IFFO2: variants seen among roughly 807,000 people sequenced by gnomAD.
IFFO2 encodes intermediate filament family orphan 2.
In IFFO2, 19 loss-of-function variants were observed where a neutral mutation model predicts 53.5. The ratio of observed to expected loss-of-function variants is 0.36; its 90% CI spans 0.25 to 0.52. IFFO2 has a LOEUF of 0.52. Ranked by LOEUF, IFFO2 falls within the 20% of genes least tolerant of loss-of-function variation. IFFO2 has a pLI of 0.94. For missense variants in IFFO2, 570 were observed against 727.4 expected (o/e 0.78, Z 2.49); for synonymous variants, 303 against 313.6 (o/e 0.97, Z 0.36).
chr1:18,933,424 G>C (rs1202782805), intron 1 of IFFO2, among the ~76,000 whole-genome samples: 1 of 152,192 alleles, frequency 6.6e-6, no homozygotes, highest in Non-Finnish European at 1.5e-5. Context: ...CAGCGACGTG[G>C]GTGGCTGGGG....
chr1:18,914,455 T>C (rs1936101245), intron 5 of IFFO2, among the ~76,000 whole-genome samples: 2 of 152,212 alleles, frequency 1.3e-5, no homozygotes, highest in South Asian at 4.1e-4. Flanking sequence ...CATACAATCC[T>C]GTCTTAGGGC....
chr1:18,916,942 A>T lies in IFFO2; in HGVS notation c.1064T>A (p.Met355Lys). The T allele has an allele frequency of 6.4e-7, 1 of 1,551,928 alleles. No individual in the cohort carries two copies. The highest frequency in any genetic ancestry group is 8.7e-7 in the Non-Finnish European group (1 of 1,147,054). Residue 355 changes from methionine (M) to lysine (K), a missense_variant, in exon 5 of 9, where the codon ATG becomes AAG. By Grantham distance (95) the Met-to-Lys change is moderately conservative. Coordinates refer to ENST00000455833, the MANE Select transcript of IFFO2 (RefSeq NM_001136265.2). This position sits in a 1 kb window ranked among gnomAD's most constrained non-coding sequence, Gnocchi z 4.3. ...GCGCTTCATCTCATCGGTGATGTTC[A>T]TGGAGCCGACCTCATCGTCCGAGAA... ...NRFSDDEVGS[M>K]NITDEMKRMF...
Position 18,918,259 on chromosome 1 carries a change from T to G in IFFO2, c.963+103A>C, listed in dbSNP as rs1936163855. The G allele has an allele frequency of 5.6e-6, 6 of 1,078,820 alleles. No individual in the cohort carries two copies. Among genetic ancestry groups the G allele is most frequent in the South Asian group, 1.6e-5 (1 of 64,242 alleles). The allele number at this position is 1,078,820 out of a possible 1,614,324, so 66.8% of individuals were successfully genotyped here. On this transcript the variant is annotated intron_variant, in intron 4 of 8. Coordinates refer to ENST00000455833, the MANE Select transcript of IFFO2 (RefSeq NM_001136265.2). The surrounding 1 kb of genome is among the most constrained non-coding windows in gnomAD (Gnocchi z 5.2). ...CTACCTCTCGGGGAAGGGGAGGGAG[T>G]GAGTGGGATGTGGAGGCAAACGGGT... is the stretch of plus-strand genomic sequence containing the variant.
At chr1:18,946,344 C>A (rs1936586883) in intron 1 of IFFO2, among the ~76,000 whole-genome samples, 2 of 151,264 alleles carry the variant, frequency 1.3e-5, no homozygotes, top group African/African-American at 4.9e-5. Context: ...CTTTCTGGTA[C>A]TACACAGGTT....
chr1:18,928,900 T>G lies in IFFO2; in HGVS notation c.666-7779A>C, dbSNP rs543072912. Among the ~76,000 whole-genome samples the G allele has an allele frequency of 6.6e-6, 1 of 152,128 alleles. No homozygotes were observed. Among genetic ancestry groups the G allele is most frequent in the Non-Finnish European group, 1.5e-5 (1 of 68,006 alleles). ...TGGTGACAGCCTCAGGGATACCAAC[T>G]CCATCCGGAGTTATCCTGGGTGCCA... is the stretch of plus-strand genomic sequence containing the variant. On this transcript the variant is annotated intron_variant, in intron 1 of 8. Coordinates refer to ENST00000455833, the MANE Select transcript of IFFO2 (RefSeq NM_001136265.2). The surrounding 1 kb of genome is among the most constrained non-coding windows in gnomAD (Gnocchi z 4.9).
chr1:18,937,886 C>A (rs1291835401), intron 1 of IFFO2, among the ~76,000 whole-genome samples: 1 of 152,272 alleles, frequency 6.6e-6, no homozygotes, highest in African/African-American at 2.4e-5. Context: ...GGGTCACTAG[C>A]CCCAGCTATG....
At chr1:18,909,503 C>G (rs1014672496) in intron 8 of IFFO2, among the ~76,000 whole-genome samples, 3 of 152,250 alleles carry the variant, frequency 2.0e-5, no homozygotes, top group Admixed American at 2.0e-4. Flanking sequence ...ATAATCCCCA[C>G]GTGTCATGAG....
In IFFO2 at chr1:18,922,654, G is replaced by A. The variant is rs185505564; in HGVS notation, c.666-1533C>T. ...GAGATCTGCGTGGGCTCCCGGGCCC[G>A]GACCTGGAGGGCAAGGGGCTGGGAT... On this transcript the variant is annotated intron_variant, in intron 1 of 8. Transcript: ENST00000455833. 6.0e-3 allele frequency among the ~76,000 whole-genome samples: 913 copies of A among 152,194 alleles called. 5 individuals carry two copies. Among genetic ancestry groups the A allele is most frequent in the Non-Finnish European group, 8.4e-3 (572 of 68,002 alleles).
At position 18,906,564 on chromosome 1, in the gene IFFO2, G is replaced by C. The variant is rs1001804068; in HGVS notation, c.*1997C>G. 10 of 152,306 alleles carry C rather than the reference G, an allele frequency of 6.6e-5. No individual in the cohort carries two copies. Among genetic ancestry groups the C allele is most frequent in the Admixed American group, 2.0e-4 (3 of 15,302 alleles). The allele number at this position is 152,306 out of a possible 1,614,324, so 9.4% of individuals were successfully genotyped here. A position where few individuals can be genotyped will look rare whatever the true frequency, so the allele number is the denominator to read the frequency against. ...ACGGAAAATCTTTTTAGCAGCTGAG[G>C]TCCAAGCCCAACTGGCTCTGATAAC... On this transcript the variant is annotated 3_prime_UTR_variant, in exon 9 of 9. Transcript: ENST00000455833.
At position 18,904,361 on chromosome 1, in the gene IFFO2, A is replaced by T. The variant is rs1187934543; in HGVS notation, c.*4200T>A. The T allele has an allele frequency of 6.6e-6, 1 of 152,262 alleles. No homozygotes were observed. Among genetic ancestry groups the T allele is most frequent in the Non-Finnish European group, 1.5e-5 (1 of 68,058 alleles). The allele number at this position is 152,262 out of a possible 1,614,324, so 9.4% of individuals were successfully genotyped here. ...GCATGATATTTACAACAGTACAGTA[A>T]ACAGGTTGGTTTCCGGTAGGATCAG... On this transcript the variant is annotated 3_prime_UTR_variant, in exon 9 of 9. Transcript: ENST00000455833.
chr1:18,956,276 GC>G lies in IFFO2; in HGVS notation c.56del (p.Gly19AlafsTer24). The G allele has an allele frequency of 1.3e-6, 1 of 796,296 alleles. No individual in the cohort carries two copies. Among genetic ancestry groups the G allele is most frequent in the Non-Finnish European group, 1.6e-6 (1 of 635,630 alleles). 49.3% of individuals were successfully genotyped at this position (796,296 alleles called of 1,614,324 possible). A position where few individuals can be genotyped will look rare whatever the true frequency, so the allele number is the denominator to read the frequency against. On this transcript the variant is annotated frameshift_variant, in exon 1 of 9. Coordinates refer to ENST00000455833, the MANE Select transcript of IFFO2 (RefSeq NM_001136265.2). LOFTEE classifies it high-confidence loss of function. The surrounding 1 kb of genome is among the most constrained non-coding windows in gnomAD (Gnocchi z 6.4). ...EMALAFGCPP[G>X]GGGGGCPGGG... ...CGCCAGGGCAGCCCCCGCCGCCGCC[GC>G]CCGGCGGGCAGCCGAAGGCCAAGGC...
Position 18,956,180 on chromosome 1 carries a change from G to A in IFFO2, c.153C>T (p.Gly51=), listed in dbSNP as rs1209472381. Residue 51 remains glycine (G), a synonymous_variant, in exon 1 of 9, where the codon GGC becomes GGT. Coordinates refer to ENST00000455833, the MANE Select transcript of IFFO2 (RefSeq NM_001136265.2). The surrounding 1 kb of genome is among the most constrained non-coding windows in gnomAD (Gnocchi z 6.4). ...GCCCCTTCAAGAGGTGGATGTTGGA[G>A]CCCAGGTCGTCCCGCAGCGCCGCCG... is the stretch of plus-strand genomic sequence containing the variant. ...PVTAALRDDL[G]SNIHLLKGLN... is the part of the protein sequence containing the mutation. The A allele has an allele frequency of 2.7e-5, 39 of 1,457,710 alleles. No homozygotes were observed. The highest frequency in any genetic ancestry group is 1.9e-4 in the Middle Eastern group (1 of 5,346). 90.3% of individuals were successfully genotyped at this position (1,457,710 alleles called of 1,614,324 possible).
At position 18,905,452 on chromosome 1, in the gene IFFO2, A is replaced by G. The variant is rs1341495229; in HGVS notation, c.*3109T>C. Reference sequence around the variant, plus strand: ...TAGATGAGAGTCTCTTGCTTTATAAATAGATTACATTTAGCTTAAGTTACA... The same window carrying G: ...TAGATGAGAGTCTCTTGCTTTATAAGTAGATTACATTTAGCTTAAGTTACA... On this transcript the variant is annotated 3_prime_UTR_variant, in exon 9 of 9. Coordinates refer to ENST00000455833, the MANE Select transcript of IFFO2 (RefSeq NM_001136265.2). The G allele has an allele frequency of 6.6e-6, 1 of 152,048 alleles. No individual in the cohort carries two copies. The highest frequency in any genetic ancestry group is 1.5e-5 in the Non-Finnish European group (1 of 68,006). The allele number at this position is 152,048 out of a possible 1,614,324, so 9.4% of individuals were successfully genotyped here.
intron 1 of IFFO2, among the ~76,000 whole-genome samples, chr1:18,922,401 G>T (rs1936228129): frequency 6.6e-6 from 1 of 152,176 alleles, no homozygotes; most frequent in Non-Finnish European, 1.5e-5. Flanking sequence ...CTTTTAGGAT[G>T]CTGTCAGGGC....
rs1474496633 is a variant in IFFO2, at chr1:18,904,348, C to T, written c.*4213G>A. 1 of 152,150 alleles carries T rather than the reference C, an allele frequency of 6.6e-6. No individual in the cohort carries two copies. The highest frequency in any genetic ancestry group is 1.5e-5 in the Non-Finnish European group (1 of 68,036). 9.4% of individuals were successfully genotyped at this position (152,150 alleles called of 1,614,324 possible). On this transcript the variant is annotated 3_prime_UTR_variant, in exon 9 of 9. Transcript: ENST00000455833. ...CAGGATATAAAGGGCATGATATTTA[C>T]AACAGTACAGTAAACAGGTTGGTTT...
chr1:18,932,217 A>G lies in IFFO2; in HGVS notation c.666-11096T>C, dbSNP rs186136175. Among the ~76,000 whole-genome samples the G allele has an allele frequency of 2.0e-3, 309 of 152,338 alleles. 1 individual carries two copies. The highest frequency in any genetic ancestry group is 6.7e-3 in the African/African-American group (280 of 41,592). On this transcript the variant is annotated intron_variant, in intron 1 of 8. Coordinates refer to ENST00000455833, the MANE Select transcript of IFFO2 (RefSeq NM_001136265.2). ...CTGGAGGCTGCTACAGTTTGTGAAA[A>G]GGAGGGTATACACAGGCTCCGAATA... is the stretch of plus-strand genomic sequence containing the variant.
intron 1 of IFFO2, among the ~76,000 whole-genome samples, chr1:18,921,817 C>T (rs1164161694): frequency 6.6e-6 from 1 of 152,144 alleles, no homozygotes; most frequent in Admixed American, 6.5e-5. Flanking sequence ...CACACCACTA[C>T]TTTGACACGA....
rs1936332270 is a variant in IFFO2 at position 18,928,465 on chromosome 1, G to C, written c.666-7344C>G. Among the ~76,000 whole-genome samples the C allele has an allele frequency of 6.6e-6, 1 of 152,214 alleles. No homozygotes were observed. Among genetic ancestry groups the C allele is most frequent in the Non-Finnish European group, 1.5e-5 (1 of 68,042 alleles). ...ATGGCCTGAGCAGGACGGAGCACAGGCTGTACACTGAGGATGGGGGCCAGG... is the reference window on the plus strand; with the variant it reads ...ATGGCCTGAGCAGGACGGAGCACAGCCTGTACACTGAGGATGGGGGCCAGG... On this transcript the variant is annotated intron_variant, in intron 1 of 8. Coordinates refer to ENST00000455833, the MANE Select transcript of IFFO2 (RefSeq NM_001136265.2). This position sits in a 1 kb window ranked among gnomAD's most constrained non-coding sequence, Gnocchi z 4.9.
At position 18,955,727 on chromosome 1, in the gene IFFO2, G is replaced by C. The variant is rs775645451; in HGVS notation, c.606C>G (p.Ile202Met). The change falls in exon 1 of 9, where the codon ATC becomes ATG. Residue 202 changes from isoleucine (I) to methionine (M), a missense_variant. Ile to Met is a conservative substitution (Grantham distance 10, BLOSUM62 1). Coordinates refer to ENST00000455833, the MANE Select transcript of IFFO2 (RefSeq NM_001136265.2). Reference sequence around the variant, plus strand: ...TGGCCAGCACGTTGTAGAGCGCGCGGATCTCCGGCGTGATGGTGTCGATCT... The same window carrying C: ...TGGCCAGCACGTTGTAGAGCGCGCGCATCTCCGGCGTGATGGTGTCGATCT... The part of the protein sequence containing the change: ...GVQIDTITPE[I>M]RALYNVLAKV... The C allele has an allele frequency of 3.3e-5, 53 of 1,592,922 alleles. No homozygotes were observed. Among genetic ancestry groups the C allele is most frequent in the Non-Finnish European group, 4.0e-5 (47 of 1,172,958 alleles).
Sources: allele counts gnomAD v4.1 joint callset (sites outside exome capture counted in the v4.1 genomes callset), GRCh38; gene constraint gnomAD v4.1.1; non-coding constraint Gnocchi (gnomAD v3.1); transcripts MANE v1.5; gene names NCBI Gene and HGNC (gene_info 2026-07-23, HGNC 2026-07-21).